Variants in JAKMIP2 observed in about 807,000 individuals in gnomAD.
JAKMIP2 encodes janus kinase and microtubule interacting protein 2, also known as janus kinase and microtubule-interacting protein 2.
A neutral mutation model predicts 115.0 loss-of-function variants in JAKMIP2; 25 were observed. That is an observed-to-expected ratio of 0.22 (90% confidence interval 0.16 to 0.30). The LOEUF is 0.30. JAKMIP2 is among the 10% of genes least tolerant of loss of function. The pLI is 1.00. For synonymous variants in JAKMIP2, 334 were observed against 343.6 expected (o/e 0.97, Z 0.31); for missense variants, 642 against 957.6 (o/e 0.67, Z 4.35).
At position 147,702,623 on chromosome 5, in the gene JAKMIP2, A is replaced by AGAAG. The variant is rs1491531535; in HGVS notation, c.-148-30670_-148-30669insCTTC. ...AAGAAGGAAAGAAAGAAAGAAAGAA[A>AGAAG]GAAAGAAAGAAAGAAAGAAAGAAAG... On this transcript the variant is annotated intron_variant, in intron 1 of 21. Coordinates refer to ENST00000616793, the MANE Select transcript of JAKMIP2 (RefSeq NM_001270941.2). Among the ~76,000 whole-genome samples the AGAAG allele has an allele frequency of 1.1e-3, 133 of 116,062 alleles. 5 individuals are homozygous for AGAAG. Among genetic ancestry groups the AGAAG allele is most frequent in the African/African-American group, 1.7e-3 (39 of 22,662 alleles). The allele number at this position is 116,062 out of a possible 152,430, so 76.1% of individuals were successfully genotyped here.
chr5:147,621,580 G>A (rs1475287502), intron 17 of JAKMIP2, among the ~76,000 whole-genome samples: 1 of 152,162 alleles, frequency 6.6e-6, no homozygotes, highest in East Asian at 1.9e-4. Context: ...ATTAATATTT[G>A]TGTTTTTAAA....
At chr5:147,603,808 C>T (rs1755844065) in intron 20 of JAKMIP2, among the ~76,000 whole-genome samples, 1 of 152,164 alleles carries the variant, frequency 6.6e-6, no homozygotes, top group Non-Finnish European at 1.5e-5. Flanking sequence ...AAAAAGTTTA[C>T]ATTGAATTCC....
intron 16 of JAKMIP2, among the ~76,000 whole-genome samples, chr5:147,628,210 T>C (rs1176398878): frequency 6.6e-6 from 1 of 152,104 alleles, no homozygotes; most frequent in African/African-American, 2.4e-5. Context: ...CATGAGGTAC[T>C]CTGAATACAC....
chr5:147,752,783 A>G (rs1207160244), intron 1 of JAKMIP2, among the ~76,000 whole-genome samples: 1 of 152,144 alleles, frequency 6.6e-6, no homozygotes, highest in Non-Finnish European at 1.5e-5. Flanking sequence ...TTAAACATCA[A>G]GGGAGATAGA....
chr5:147,660,650 C>G (rs1758909485), intron 3 of JAKMIP2: 1 of 391,380 alleles, frequency 2.6e-6, no homozygotes, highest in Non-Finnish European at 4.8e-6. Flanking sequence ...GAGTCCTTTC[C>G]ATATATATGG....
intron 1 of JAKMIP2, among the ~76,000 whole-genome samples, chr5:147,766,185 G>A (rs1440818025): frequency 6.6e-6 from 1 of 152,118 alleles, no homozygotes; most frequent in East Asian, 1.9e-4. Flanking sequence ...AGGCCAATGG[G>A]AGAATAAGTG....
At chr5:147,765,036 GAAAGAAAGAGAGA>G (rs1755105086) in intron 1 of JAKMIP2, among the ~76,000 whole-genome samples, 1 of 136,798 alleles carries the variant, frequency 7.3e-6, no homozygotes, top group African/African-American at 2.7e-5. Flanking sequence ...GAGAGAGAAA[GAAAGAAAGAGAGA>G]AGAGAGAAGG....
At position 147,645,391 on chromosome 5, in the gene JAKMIP2, C is replaced by A. The variant is rs1561511520; in HGVS notation, c.937-395G>T. Among the ~76,000 whole-genome samples, 6 of 152,244 alleles carry A rather than the reference C, an allele frequency of 3.9e-5. No homozygotes were observed. The South Asian group carries it at 8.3e-4, about 21-fold the overall frequency. ...TCAGAGATAAAGGAGCTCACCCAGA[C>A]CACACGGCCACTAAGTAATGCGACC... On this transcript the variant is annotated intron_variant, in intron 5 of 21. Coordinates refer to ENST00000616793, the MANE Select transcript of JAKMIP2 (RefSeq NM_001270941.2).
intron 1 of JAKMIP2, among the ~76,000 whole-genome samples, chr5:147,775,914 T>C (rs907641160): frequency 3.9e-5 from 6 of 151,976 alleles, no homozygotes; most frequent in African/African-American, 1.5e-4. Context: ...TAGTGAAGAG[T>C]AGGGAAAGCA....
chr5:147,735,131 C>A (rs1725080413), intron 1 of JAKMIP2, among the ~76,000 whole-genome samples: 1 of 152,074 alleles, frequency 6.6e-6, no homozygotes, highest in African/African-American at 2.4e-5. Flanking sequence ...TTCTCTCCTG[C>A]CAGACTTCAG....
intron 1 of JAKMIP2, among the ~76,000 whole-genome samples, chr5:147,764,870 G>C (rs535392773): frequency 1.4e-5 from 2 of 144,436 alleles, no homozygotes; most frequent in Non-Finnish European, 3.0e-5. Context: ...TGGTGACAGA[G>C]TGAGACTCTG....
chr5:147,743,421 C>A (rs1337072639), intron 1 of JAKMIP2, among the ~76,000 whole-genome samples: 1 of 152,278 alleles, frequency 6.6e-6, no homozygotes, highest in East Asian at 1.9e-4. Flanking sequence ...GCATCCCTCA[C>A]AATAAAATGC....
rs374690967 is a variant in JAKMIP2 at position 147,671,629 on chromosome 5, A to G, written c.129+49T>C. On this transcript the variant is annotated intron_variant, in intron 2 of 21. Transcript: ENST00000616793. Reference sequence around the variant, plus strand: ...AGAGCTGTGCTCGCTGCATGTGGACACAGCCAGAGCTGCTCTTAATGCCAC... The same window carrying G: ...AGAGCTGTGCTCGCTGCATGTGGACGCAGCCAGAGCTGCTCTTAATGCCAC... 15 of 1,337,180 alleles carry G rather than the reference A, an allele frequency of 1.1e-5. No homozygotes were observed. The African/African-American group carries it at 2.3e-4, about 20-fold the overall frequency. The allele number at this position is 1,337,180 out of a possible 1,614,324, so 82.8% of individuals were successfully genotyped here. A position where few individuals can be genotyped will look rare whatever the true frequency, so the allele number is the denominator to read the frequency against.
At chr5:147,674,029 T>C (rs1036077132) in intron 1 of JAKMIP2, among the ~76,000 whole-genome samples, 4 of 152,118 alleles carry the variant, frequency 2.6e-5, no homozygotes, top group East Asian at 1.9e-4. Context: ...GACTTGTATA[T>C]ACATACAACA....
At chr5:147,634,687 A>G (rs1244217250) in intron 12 of JAKMIP2, among the ~76,000 whole-genome samples, 1 of 152,150 alleles carries the variant, frequency 6.6e-6, no homozygotes, top group East Asian at 1.9e-4. Flanking sequence ...ATTTTTGAAT[A>G]CCTGCCCACT....
Position 147,782,591 on chromosome 5 carries a change from T to C in JAKMIP2, c.-284A>G. ...CCGGTTTTTTTTTTCCCTCTGTCTC[T>C]GGTTGGCGATGGTGCGAATAGGAAC... is the stretch of plus-strand genomic sequence containing the variant. On this transcript the variant is annotated 5_prime_UTR_variant, in exon 1 of 22. Transcript: ENST00000616793. 3 of 866,466 alleles carry C rather than the reference T, an allele frequency of 3.5e-6. No homozygotes were observed. Among genetic ancestry groups the C allele is most frequent in the Non-Finnish European group, 5.6e-6 (3 of 537,244 alleles). 53.7% of individuals were successfully genotyped at this position (866,466 alleles called of 1,614,324 possible).
At chr5:147,728,836 C>T (rs1753617144) in intron 1 of JAKMIP2, among the ~76,000 whole-genome samples, 1 of 152,132 alleles carries the variant, frequency 6.6e-6, no homozygotes, top group African/African-American at 2.4e-5. Context: ...GTTCAGCTTA[C>T]CTGCTTTAGA....
intron 10 of JAKMIP2, among the ~76,000 whole-genome samples, chr5:147,638,307 A>C (rs1757718794): frequency 6.6e-6 from 1 of 152,162 alleles, no homozygotes; most frequent in Non-Finnish European, 1.5e-5. Flanking sequence ...AGGTAGAAGA[A>C]TTAAATGACA....
chr5:147,753,070 T>A (rs1044162072), intron 1 of JAKMIP2, among the ~76,000 whole-genome samples: 4 of 152,144 alleles, frequency 2.6e-5, no homozygotes, highest in African/African-American at 9.7e-5. Flanking sequence ...ATGTGACCAA[T>A]GGCATTATAG....
Sources: allele counts gnomAD v4.1 joint callset (sites outside exome capture counted in the v4.1 genomes callset), GRCh38; gene constraint gnomAD v4.1.1; transcripts MANE v1.5; gene names NCBI Gene and HGNC (gene_info 2026-07-23, HGNC 2026-07-21).